DMXL1: variants seen among roughly 807,000 people sequenced by gnomAD.
DMXL1 encodes dmX-like protein 1.
In DMXL1, 99 loss-of-function variants were observed where a neutral mutation model predicts 319.2. That is an observed-to-expected ratio of 0.31 (90% CI 0.26 to 0.37). DMXL1 has a LOEUF of 0.37. Ranked by LOEUF, DMXL1 falls within the 10% of genes least tolerant of loss-of-function variation. The pLI, the probability that DMXL1 is intolerant of heterozygous loss-of-function variation, is 1.00. For synonymous variants in DMXL1, 1,385 were observed against 1,235.2 expected (o/e 1.12, Z -2.54); for missense variants, 3,745 against 3,595.6 (o/e 1.04, Z -1.06).
At chr5:119,233,231 A>G in intron 38 of DMXL1, 109 bp from the exon 39 acceptor site, 1 of 1,098,610 alleles carries the variant, frequency 9.1e-7, no homozygotes, top group Middle Eastern at 2.2e-4. Context: ...AAATTTATAT[A>G]AGTTGATTTA....
At chr5:119,082,020 TACACAC>T (rs565047535) in intron 1 of DMXL1, among the ~76,000 whole-genome samples, 5,715 of 107,896 alleles carry the variant, frequency 0.053, 145 homozygotes, top group East Asian at 0.089. Flanking sequence ...TATATATATA[TACACAC>T]ACACACACAC....
chr5:119,110,195 A>G lies in DMXL1; in HGVS notation c.409A>G (p.Asn137Asp), dbSNP rs567489539. The change falls in exon 5 of 44, where the codon AAT (asparagine) becomes GAT (aspartate). Residue 137 changes from asparagine (N) to aspartate (D), a missense_variant. This residue lies in a region of DMXL1 where 2,096 missense variants were observed against 1,985.4 expected (regional missense o/e 1.06). Coordinates refer to ENST00000539542, the MANE Select transcript of DMXL1 (RefSeq NM_001290321.3). Reference protein sequence around the residue: ...TGSSYLQLWSNTNLEKPTEDE... With the variant: ...TGSSYLQLWSDTNLEKPTEDE... ...TTCCAGCTATTTGCAACTCTGGTCC[A>G]ATACTAACTTGGAGAAGCCAACTGA... is the stretch of plus-strand genomic sequence containing the variant. 7.2e-5 allele frequency: 115 copies of G among 1,593,636 alleles called. 1 individual carries two copies. In the South Asian group the frequency reaches 1.2e-3, roughly 16 times the overall value.
Position 119,093,122 on chromosome 5 carries a change from G to C in DMXL1, c.88-4857G>C, listed in dbSNP as rs138433740. On this transcript the variant is annotated intron_variant, in intron 1 of 43. Transcript: ENST00000539542. ...CAAATCTGTCAGCACTATTTTTCCA[G>C]TTGCATGCGCTCACTTTGTGTCTCT... is the stretch of plus-strand genomic sequence containing the variant. 9.5e-3 allele frequency among the ~76,000 whole-genome samples: 1,439 copies of C among 151,410 alleles called. 24 individuals are homozygous for C. The highest frequency in any genetic ancestry group is 0.032 in the African/African-American group (1,314 of 41,248).
intron 2 of DMXL1, among the ~76,000 whole-genome samples, chr5:119,098,687 A>T (rs1756544111): frequency 6.6e-6 from 1 of 152,238 alleles, no homozygotes; most frequent in African/African-American, 2.4e-5. Context: ...ATTCTTCTAG[A>T]TCAGGTTAAA....
Position 119,116,138 on chromosome 5 carries a change from TTTG to T in DMXL1, c.565-17_565-15del. 6.4e-7 allele frequency: 1 copy of T among 1,571,276 alleles called. No homozygotes were observed. Among genetic ancestry groups the T allele is most frequent in the Non-Finnish European group, 8.6e-7 (1 of 1,161,794 alleles). On this transcript the variant is annotated splice_polypyrimidine_tract_variant and intron_variant, in intron 6 of 43. Coordinates refer to ENST00000539542, the MANE Select transcript of DMXL1 (RefSeq NM_001290321.3). ...AATTCTGATCTCCATGATTTTCTGT[TTTG>T]TTTTTTTTTTCCTTAGGATGACTGT...
chr5:119,080,836 A>T (rs946471647), intron 1 of DMXL1, among the ~76,000 whole-genome samples: 1 of 152,084 alleles, frequency 6.6e-6, no homozygotes, highest in African/African-American at 2.4e-5. Flanking sequence ...GCTATATCTA[A>T]CGTCTTTCCA....
chr5:119,228,250 C>T (rs1456119016), intron 38 of DMXL1, among the ~76,000 whole-genome samples: 1 of 152,162 alleles, frequency 6.6e-6, no homozygotes, highest in African/African-American at 2.4e-5. Context: ...TTCTATGAAT[C>T]TCCTTGAAGA....
intron 42 of DMXL1, among the ~76,000 whole-genome samples, chr5:119,242,225 A>G (rs1000697501): frequency 2.0e-5 from 3 of 152,208 alleles, no homozygotes; most frequent in Admixed American, 2.0e-4. Context: ...ATGTTCCAAT[A>G]TATCTATTGA....
At chr5:119,132,674 CAA>C (rs372333927) in intron 10 of DMXL1, 8,828 of 321,414 alleles carry the variant, frequency 0.027, no homozygotes, top group Middle Eastern at 0.048. Context: ...GACTCCGTCT[CAA>C]AAAAAAAAAA....
chr5:119,218,392 G>A (rs1051017048), intron 35 of DMXL1, among the ~76,000 whole-genome samples: 2 of 151,876 alleles, frequency 1.3e-5, no homozygotes, highest in Middle Eastern at 3.2e-3. Context: ...GAATATGCCT[G>A]TTTAATTTTT....
At chr5:119,082,010 TATATATATATACAC>T (rs1211941532) in intron 1 of DMXL1, among the ~76,000 whole-genome samples, 35 of 77,144 alleles carry the variant, frequency 4.5e-4, no homozygotes, top group African/African-American at 1.0e-3. Context: ...TATATATATA[TATATATATATACAC>T]ACACACACAC....
In DMXL1 at chr5:119,224,781, A is replaced by G. The variant is rs776106838; in HGVS notation, c.8338+12A>G. 2 of 1,141,558 alleles carry G rather than the reference A, an allele frequency of 1.8e-6. No homozygotes were observed. The highest frequency in any genetic ancestry group is 2.4e-6 in the Non-Finnish European group (2 of 842,684). The allele number at this position is 1,141,558 out of a possible 1,614,324, so 70.7% of individuals were successfully genotyped here. On this transcript the variant is annotated intron_variant, in intron 38 of 43. Coordinates refer to ENST00000539542, the MANE Select transcript of DMXL1 (RefSeq NM_001290321.3). The stretch of plus-strand genomic sequence containing the variant: ...AACTCTTCCTTACTGTAAGTTGAAT[A>G]ATAATTAGCAATTGTCCTTTCTTAT...
chr5:119,241,398 T>G (rs1195039994), intron 42 of DMXL1, among the ~76,000 whole-genome samples: 1 of 151,554 alleles, frequency 6.6e-6, no homozygotes, highest in Non-Finnish European at 1.5e-5. Flanking sequence ...AGCCAGGCGT[T>G]GTGGTGGATG....
intron 5 of DMXL1, among the ~76,000 whole-genome samples, chr5:119,112,900 G>A (rs1759979073): frequency 6.6e-6 from 1 of 150,580 alleles, no homozygotes; most frequent in African/African-American, 2.4e-5. Context: ...AGGTTACAAT[G>A]AGCCGAGATC....
At position 119,134,027 on chromosome 5, in the gene DMXL1, T is replaced by G. The variant is rs1254864319; in HGVS notation, c.2103T>G (p.Val701=). The change falls in exon 12 of 44, where the codon GTT becomes GTG. Residue 701 remains valine (V), a synonymous_variant. Coordinates refer to ENST00000539542, the MANE Select transcript of DMXL1 (RefSeq NM_001290321.3). ...VDVAFQDPSA[V]YSELILWRVD... is the part of the protein sequence containing the mutation. ...TGGCATTTCAGGATCCCAGTGCAGT[T>G]TACAGTGAGCTTATTCTGTGGAGGG... 6.2e-7 allele frequency: 1 copy of G among 1,614,198 alleles called. No homozygotes were observed. The highest frequency in any genetic ancestry group is 8.5e-7 in the Non-Finnish European group (1 of 1,180,032).
At chr5:119,177,217 A>T (rs1387382004) in intron 26 of DMXL1, 140 bp from the exon 27 acceptor site, 1 of 475,364 alleles carries the variant, frequency 2.1e-6, no homozygotes, top group African/African-American at 2.0e-5. Context: ...TTTATATAGC[A>T]CTAGACTGTA....
At chr5:119,148,170 T>TA (rs1414962860) in intron 17 of DMXL1, among the ~76,000 whole-genome samples, 1 of 152,192 alleles carries the variant, frequency 6.6e-6, no homozygotes. Context: ...CAGCATTTGT[T>TA]ATGGCAAATA....
chr5:119,159,392 C>T (rs535309176), intron 19 of DMXL1, among the ~76,000 whole-genome samples: 102 of 152,312 alleles, frequency 6.7e-4, no homozygotes, highest in Non-Finnish European at 1.4e-3. Context: ...ACGCCATGCC[C>T]GGCCTGATGG....
At position 119,196,386 on chromosome 5, in the gene DMXL1, G is replaced by A. The variant is rs780501318; in HGVS notation, c.7473G>A (p.Arg2491=). The part of the protein sequence containing the change: ...NSNSYSWSLM[R]LAMVQLVLNN... ...TTATTTTTAGTTGGTCCTTGATGCG[G>A]TTGGCGATGGTGCAATTGGTGCTCA... Residue 2491 remains arginine (R), a synonymous_variant, in exon 31 of 44, where the codon CGG becomes CGA. Coordinates refer to ENST00000539542, the MANE Select transcript of DMXL1 (RefSeq NM_001290321.3). 7 of 1,613,756 alleles carry A rather than the reference G, an allele frequency of 4.3e-6. No homozygotes were observed. The South Asian group carries it at 7.7e-5, about 18-fold the overall frequency.
Sources: gnomAD v4.1 joint callset for allele counts (sites outside exome capture counted in the v4.1 genomes callset) on GRCh38, gnomAD v4.1.1 for gene constraint, gnomAD v4.1.1 regional missense constraint, MANE v1.5 for transcripts, NCBI Gene and HGNC (gene_info 2026-07-23, HGNC 2026-07-21) for gene names.